Variants in RAD23B observed in about 807,000 individuals in gnomAD.
RAD23B encodes lysine-specific demethylase RAD23B.
Under a neutral mutation model 49.1 loss-of-function variants are expected in RAD23B, and 5 were observed. That is an observed-to-expected ratio of 0.10 (90% CI 0.05 to 0.21). The LOEUF (loss-of-function observed/expected upper bound fraction) is 0.21, where lower values mean the gene tolerates loss of function less well. Among genes scored for constraint, RAD23B ranks in the 10% least tolerant of loss-of-function variants. The probability of loss-of-function intolerance (pLI) is 1.00; values close to 1 mark genes in which losing one functional copy is unlikely to be tolerated. For missense variants in RAD23B, 356 were observed against 486.7 expected, an observed-to-expected ratio of 0.73 and a Z score of 2.53; for synonymous variants, 184 against 165.4, an observed-to-expected ratio of 1.11 and a Z score of -0.86.
At chr9:107,313,892 CTCTCCTT>C (rs1277106179) in intron 5 of RAD23B, among the ~76,000 whole-genome samples, 1 of 150,904 alleles carries the variant, frequency 6.6e-6, no homozygotes, top group Non-Finnish European at 1.5e-5. Context: ...CCTCTGTCCT[CTCTCCTT>C]TCTCCTTTCC....
chr9:107,302,730 A>G (rs1826682173), intron 3 of RAD23B, among the ~76,000 whole-genome samples: 1 of 149,670 alleles, frequency 6.7e-6, no homozygotes, highest in Non-Finnish European at 1.5e-5. Flanking sequence ...GTCTTGGCTC[A>G]CTACAAGCTC....
intron 4 of RAD23B, 99 bp downstream of exon 4, chr9:107,306,746 C>G: frequency 7.6e-7 from 1 of 1,311,888 alleles, no homozygotes; most frequent in East Asian, 2.3e-5. Context: ...CCGACTATAT[C>G]TATTACGTTA....
intron 5 of RAD23B, among the ~76,000 whole-genome samples, chr9:107,313,374 T>C (rs1479712191): frequency 2.6e-5 from 4 of 152,076 alleles, no homozygotes; most frequent in Admixed American, 2.0e-4. Flanking sequence ...TACAGGCACG[T>C]GCCACCACGC....
intron 1 of RAD23B, among the ~76,000 whole-genome samples, chr9:107,284,531 G>C (rs1266051825): frequency 6.6e-6 from 1 of 152,124 alleles, no homozygotes; most frequent in Non-Finnish European, 1.5e-5. Flanking sequence ...CCTTTCTGCA[G>C]TTAAAGCCTT....
At chr9:107,314,232 G>A (rs1034248058) in intron 5 of RAD23B, among the ~76,000 whole-genome samples, 1 of 152,162 alleles carries the variant, frequency 6.6e-6, no homozygotes, top group Non-Finnish European at 1.5e-5. Flanking sequence ...GGGAGTACAA[G>A]TGCAGATTTC....
At chr9:107,297,420 A>G (rs552520925) in intron 1 of RAD23B, among the ~76,000 whole-genome samples, 1 of 150,770 alleles carries the variant, frequency 6.6e-6, no homozygotes, top group South Asian at 2.1e-4. Context: ...GCTCACTGCA[A>G]CCTCTGCCTC....
intron 1 of RAD23B, among the ~76,000 whole-genome samples, chr9:107,298,841 T>A (rs1278372524): frequency 6.6e-6 from 1 of 152,052 alleles, no homozygotes; most frequent in Non-Finnish European, 1.5e-5. Flanking sequence ...GATGTTTGGC[T>A]TTAAAAAAAT....
At chr9:107,295,732 A>G (rs748040500) in intron 1 of RAD23B, among the ~76,000 whole-genome samples, 4 of 152,210 alleles carry the variant, frequency 2.6e-5, no homozygotes, top group Non-Finnish European at 2.9e-5. Context: ...GTATAAATGT[A>G]GATAGGCAGT....
intron 9 of RAD23B, among the ~76,000 whole-genome samples, chr9:107,329,307 TTTAGGTGA>T (rs767795552): frequency 9.9e-5 from 15 of 152,228 alleles, no homozygotes; most frequent in Non-Finnish European, 2.2e-4. Flanking sequence ...CAAAGACTTT[TTTAGGTGA>T]TTAGTAAAGG....
At chr9:107,284,736 T>G (rs1316296966) in intron 1 of RAD23B, 1 of 1,123,160 alleles carries the variant, frequency 8.9e-7, no homozygotes, top group African/African-American at 1.6e-5. Flanking sequence ...CCCAACTCTA[T>G]TTTTAAAAGT....
In RAD23B at chr9:107,300,082, T is replaced by C. The variant is rs1826619015; in HGVS notation, c.67-59T>C. The C allele has an allele frequency of 3.2e-6, 5 of 1,569,042 alleles. No individual in the cohort carries two copies. In the African/African-American group the frequency reaches 5.5e-5, roughly 17 times the overall value. ...TTTGTCTTCCATTATTTATTCAGAT[T>C]CTGGATTGTCATTTTTTATTTAGAC... On this transcript the variant is annotated intron_variant, in intron 1 of 9. Transcript: ENST00000358015.
chr9:107,296,476 G>T (rs1826521627), intron 1 of RAD23B, among the ~76,000 whole-genome samples: 1 of 152,130 alleles, frequency 6.6e-6, no homozygotes, highest in Admixed American at 6.5e-5. Context: ...GCTTTTCTGT[G>T]CTGTGACTGT....
At chr9:107,315,489 GTCTC>G (rs1236769066) in intron 5 of RAD23B, among the ~76,000 whole-genome samples, 3 of 151,954 alleles carry the variant, frequency 2.0e-5, no homozygotes, top group African/African-American at 7.3e-5. Context: ...TTCTTGGCCA[GTCTC>G]TCTCGTTTTT....
At chr9:107,290,735 C>T (rs767352012) in intron 1 of RAD23B, among the ~76,000 whole-genome samples, 1 of 152,160 alleles carries the variant, frequency 6.6e-6, no homozygotes, top group Non-Finnish European at 1.5e-5. Flanking sequence ...ACAAATCCTG[C>T]TTTCATCAGT....
chr9:107,329,694 A>T lies in RAD23B; in HGVS notation c.*38A>T. The T allele has an allele frequency of 8.0e-7, 1 of 1,248,390 alleles. No individual in the cohort carries two copies. The highest frequency in any genetic ancestry group is 3.2e-5 in the East Asian group (1 of 31,596). 77.3% of individuals were successfully genotyped at this position (1,248,390 alleles called of 1,614,324 possible). The stretch of plus-strand genomic sequence containing the variant: ...TATATCTCACACTTCACACCAGTGC[A>T]TTACACTAACTTGTTCACTGGATTG... On this transcript the variant is annotated 3_prime_UTR_variant, in exon 10 of 10. Transcript: ENST00000358015.
chr9:107,304,606 AG>A (rs1377455028), intron 3 of RAD23B, among the ~76,000 whole-genome samples: 2 of 152,252 alleles, frequency 1.3e-5, no homozygotes, highest in African/African-American at 4.8e-5. Flanking sequence ...CAAAAAGACA[AG>A]GCAGCTCATT....
At position 107,303,103 on chromosome 9, in the gene RAD23B, A is replaced by G. The variant is rs560345763; in HGVS notation, c.228+989A>G. Among the ~76,000 whole-genome samples the G allele has an allele frequency of 4.6e-5, 7 of 152,306 alleles. No individual in the cohort carries two copies. The South Asian group carries it at 1.0e-3, about 23-fold the overall frequency. ...TATACTTGTTTATTTAAAGATATAT[A>G]ATGCAGTGTAGAATTAAGAGACAAA... On this transcript the variant is annotated intron_variant, in intron 3 of 9. Transcript: ENST00000358015.
At chr9:107,317,423 A>G (rs896342813) in intron 5 of RAD23B, among the ~76,000 whole-genome samples, 5 of 152,032 alleles carry the variant, frequency 3.3e-5, no homozygotes, top group Non-Finnish European at 1.5e-5. Context: ...CACATTTGAG[A>G]GGGAAATCTG....
At chr9:107,316,836 A>G (rs1186189260) in intron 5 of RAD23B, among the ~76,000 whole-genome samples, 2 of 151,514 alleles carry the variant, frequency 1.3e-5, no homozygotes, top group Non-Finnish European at 2.9e-5. Context: ...AAAAAAAAAG[A>G]TAAGTGATAT....
Sources: gnomAD v4.1 joint callset for allele counts (sites outside exome capture counted in the v4.1 genomes callset) on GRCh38, gnomAD v4.1.1 for gene constraint, MANE v1.5 for transcripts, NCBI Gene and HGNC (gene_info 2026-07-23, HGNC 2026-07-21) for gene names.